Variants in PLEKHM3 observed in about 807,000 individuals in gnomAD.
The protein encoded by PLEKHM3 is pleckstrin homology domain containing M3.
A neutral mutation model predicts 81.8 loss-of-function variants in PLEKHM3; 45 were observed. The observed-to-expected ratio is 0.55, with a 90% CI of 0.43 to 0.71. The LOEUF is 0.71. PLEKHM3 is among the 30% of genes least tolerant of loss of function. PLEKHM3 has a pLI of 0.00. For synonymous variants in PLEKHM3, 352 were observed against 356.4 expected (o/e 0.99, Z 0.14); for missense variants, 788 against 924.3 (o/e 0.85, Z 1.91).
At chr2:207,965,391 T>TAA (rs550001997) in intron 3 of PLEKHM3, among the ~76,000 whole-genome samples, 6 of 129,444 alleles carry the variant, frequency 4.6e-5, no homozygotes, top group Admixed American at 1.6e-4. Context: ...ATGAACGGCT[T>TAA]AAAAAAAAAA....
At chr2:207,846,874 C>T (rs909308454) in intron 7 of PLEKHM3, among the ~76,000 whole-genome samples, 1 of 151,956 alleles carries the variant, frequency 6.6e-6, no homozygotes. Context: ...TTTAAAAATA[C>T]ATATGTGTAG....
rs1320018991 is a variant in PLEKHM3 at position 207,976,370 on chromosome 2, T to G, written c.1546+281A>C. Among the ~76,000 whole-genome samples, 2 of 152,238 alleles carry G rather than the reference T, an allele frequency of 1.3e-5. No individual in the cohort carries two copies. Among genetic ancestry groups the G allele is most frequent in the African/African-American group, 2.4e-5 (1 of 41,466 alleles). On this transcript the variant is annotated intron_variant, in intron 3 of 7. Transcript: ENST00000427836. The surrounding 1 kb of genome is among the most constrained non-coding windows in gnomAD (Gnocchi z 4.1). ...CAGCCGACTCAGGAAACCTAAATTC[T>G]AGTCTGGTTAAGCTTTAGCCAAATC...
At chr2:207,891,290 G>A (rs1327652238) in intron 6 of PLEKHM3, among the ~76,000 whole-genome samples, 3 of 152,204 alleles carry the variant, frequency 2.0e-5, no homozygotes, top group Non-Finnish European at 4.4e-5. Flanking sequence ...AAGGGATTTT[G>A]AATTGCAGCC....
intron 7 of PLEKHM3, among the ~76,000 whole-genome samples, chr2:207,830,505 C>T (rs749380582): frequency 2.0e-5 from 3 of 150,584 alleles, no homozygotes; most frequent in East Asian, 2.0e-4. Context: ...CCCAGCTACT[C>T]GGGAGGCTGA....
chr2:207,829,917 A>T (rs1024575367), intron 7 of PLEKHM3, among the ~76,000 whole-genome samples: 1 of 151,928 alleles, frequency 6.6e-6, no homozygotes, highest in Non-Finnish European at 1.5e-5. Flanking sequence ...TTACCCCACC[A>T]CCATTCAGGA....
At chr2:207,996,926 A>C (rs1226133268) in intron 2 of PLEKHM3, among the ~76,000 whole-genome samples, 1 of 152,136 alleles carries the variant, frequency 6.6e-6, no homozygotes, top group African/African-American at 2.4e-5. Flanking sequence ...CATGGTTCTA[A>C]GAAGCACTTT....
At chr2:207,879,676 T>G (rs2092576913) in intron 6 of PLEKHM3, among the ~76,000 whole-genome samples, 2 of 152,166 alleles carry the variant, frequency 1.3e-5, no homozygotes, top group South Asian at 4.1e-4. Context: ...CTCTAGGGGA[T>G]GTGTGATTCC....
chr2:207,953,440 G>C (rs1690401680), intron 3 of PLEKHM3, among the ~76,000 whole-genome samples: 1 of 151,970 alleles, frequency 6.6e-6, no homozygotes, highest in Non-Finnish European at 1.5e-5. Context: ...AAATTTTATA[G>C]CAGTGAGAGA....
At chr2:207,841,568 T>G (rs1264269726) in intron 7 of PLEKHM3, among the ~76,000 whole-genome samples, 1 of 147,826 alleles carries the variant, frequency 6.8e-6, no homozygotes, top group Non-Finnish European at 1.5e-5. Context: ...TATTTTACAT[T>G]AAAATATTTG....
intron 6 of PLEKHM3, among the ~76,000 whole-genome samples, chr2:207,881,398 C>G (rs1371369736): frequency 1.3e-5 from 2 of 152,076 alleles, no homozygotes; most frequent in Non-Finnish European, 2.9e-5. Context: ...TGGCAGCTAG[C>G]CTCCGCAAGG....
chr2:207,870,937 A>G (rs2092530531), intron 6 of PLEKHM3, among the ~76,000 whole-genome samples: 1 of 152,072 alleles, frequency 6.6e-6, no homozygotes, highest in Non-Finnish European at 1.5e-5. Context: ...TGAGATCCCT[A>G]TCTCTGTAAA....
intron 6 of PLEKHM3, among the ~76,000 whole-genome samples, chr2:207,872,556 G>A (rs1372437699): frequency 3.3e-5 from 5 of 152,154 alleles, no homozygotes; most frequent in Non-Finnish European, 5.9e-5. Flanking sequence ...AACCCGAGGC[G>A]GCCGGGCGCA....
At chr2:207,946,835 G>T (rs947534351) in intron 3 of PLEKHM3, among the ~76,000 whole-genome samples, 2 of 152,136 alleles carry the variant, frequency 1.3e-5, no homozygotes, top group Non-Finnish European at 2.9e-5. Flanking sequence ...TCACTGCCCT[G>T]CTCAGAACTC....
chr2:207,972,352 CG>C (rs1425479996), intron 3 of PLEKHM3, among the ~76,000 whole-genome samples: 2 of 43,160 alleles, frequency 4.6e-5, no homozygotes, highest in Admixed American at 2.5e-4. Flanking sequence ...GGCCGGGGGG[CG>C]GGGGGGCGGT....
intron 6 of PLEKHM3, among the ~76,000 whole-genome samples, chr2:207,875,612 T>A (rs1213106541): frequency 5.9e-5 from 9 of 152,232 alleles, no homozygotes; most frequent in East Asian, 5.8e-4. Flanking sequence ...GGGTGTTCAC[T>A]GCAGTATAGG....
rs755063277 is a variant in PLEKHM3, at chr2:207,827,280, G to T, written c.*1039C>A. The T allele has an allele frequency of 4.6e-5, 7 of 151,754 alleles. No homozygotes were observed. The highest frequency in any genetic ancestry group is 7.4e-5 in the Non-Finnish European group (5 of 67,946). The allele number at this position is 151,754 out of a possible 1,614,324, so 9.4% of individuals were successfully genotyped here. A position where few individuals can be genotyped will look rare whatever the true frequency, so the allele number is the denominator to read the frequency against. On this transcript the variant is annotated 3_prime_UTR_variant, in exon 8 of 8. Coordinates refer to ENST00000427836, the MANE Select transcript of PLEKHM3 (RefSeq NM_001080475.3). Reference sequence around the variant, plus strand: ...GAAATGAAAGTGCAGGAAGAACAACGAGAAATAAAGCACTTAAAATGAATA... The same window carrying T: ...GAAATGAAAGTGCAGGAAGAACAACTAGAAATAAAGCACTTAAAATGAATA...
chr2:207,958,032 C>T (rs943805957), intron 3 of PLEKHM3, among the ~76,000 whole-genome samples: 10 of 152,134 alleles, frequency 6.6e-5, no homozygotes, highest in Non-Finnish European at 1.0e-4. Context: ...ATGTCAATAA[C>T]GCCACTGTTG....
chr2:207,953,376 T>C (rs564565383), intron 3 of PLEKHM3, among the ~76,000 whole-genome samples: 1 of 140,822 alleles, frequency 7.1e-6, no homozygotes, highest in Admixed American at 7.3e-5. Flanking sequence ...AAAAATTCAT[T>C]TCTGTTCATC....
At chr2:207,860,589 T>C (rs544100653) in intron 7 of PLEKHM3, among the ~76,000 whole-genome samples, 12 of 152,316 alleles carry the variant, frequency 7.9e-5, no homozygotes, top group African/African-American at 2.9e-4. Flanking sequence ...AGAAAAATCA[T>C]CCCACATAAA....
Sources: gnomAD v4.1 joint callset for allele counts (sites outside exome capture counted in the v4.1 genomes callset) on GRCh38, gnomAD v4.1.1 for gene constraint, Gnocchi (gnomAD v3.1) non-coding constraint, MANE v1.5 for transcripts, NCBI Gene and HGNC (gene_info 2026-07-23, HGNC 2026-07-21) for gene names.